Variants in DSCAM observed in about 807,000 individuals in gnomAD.
DSCAM encodes the protein DS cell adhesion molecule.
Under a neutral mutation model 217.7 loss-of-function variants are expected in DSCAM, and 47 were observed. The observed-to-expected ratio is 0.22, with a 90% confidence interval of 0.17 to 0.28. The LOEUF (loss-of-function observed/expected upper bound fraction) is 0.28. Ranked by LOEUF, DSCAM falls within the 10% of genes least tolerant of loss-of-function variation. The pLI is 1.00. For synonymous variants in DSCAM, 1,056 were observed against 1,015.3 expected, an observed-to-expected ratio of 1.04 and a Z score of -0.76; for missense variants, 2,080 against 2,618.3, an observed-to-expected ratio of 0.79 and a Z score of 4.49.
chr21:40,127,595 C>T (rs1490966215), intron 19 of DSCAM, among the ~76,000 whole-genome samples: 2 of 152,212 alleles, frequency 1.3e-5, no homozygotes, highest in Non-Finnish European at 2.9e-5. Flanking sequence ...GCTGCAGATG[C>T]TTCTGTGTCT....
intron 11 of DSCAM, among the ~76,000 whole-genome samples, chr21:40,230,821 G>A (rs1036757370): frequency 1.3e-5 from 2 of 151,978 alleles, no homozygotes; most frequent in African/African-American, 4.8e-5. Context: ...TGAGGGTTGG[G>A]GAGTGTTCCA....
chr21:40,371,151 A>G (rs1458199477), intron 3 of DSCAM, among the ~76,000 whole-genome samples: 1 of 152,218 alleles, frequency 6.6e-6, no homozygotes, highest in Non-Finnish European at 1.5e-5. Context: ...TTTAGTTTAA[A>G]ATATGCCATA....
chr21:40,400,163 A>G (rs2075220707), intron 3 of DSCAM, among the ~76,000 whole-genome samples: 4 of 152,188 alleles, frequency 2.6e-5, no homozygotes, highest in African/African-American at 7.2e-5. Flanking sequence ...ATTGGAGACC[A>G]TAAAGAGGTT....
intron 20 of DSCAM, among the ~76,000 whole-genome samples, chr21:40,108,664 T>C (rs1258916061): frequency 6.6e-6 from 1 of 152,126 alleles, no homozygotes; most frequent in African/African-American, 2.4e-5. Flanking sequence ...AAAATTCAGT[T>C]GGAACCAAAA....
At chr21:40,473,603 C>G (rs2075907991) in intron 3 of DSCAM, among the ~76,000 whole-genome samples, 1 of 152,178 alleles carries the variant, frequency 6.6e-6, no homozygotes, top group African/African-American at 2.4e-5. Context: ...TGTGCATATA[C>G]AACTATTGTC....
At chr21:40,559,446 G>A (rs1192069359) in intron 3 of DSCAM, among the ~76,000 whole-genome samples, 1 of 138,350 alleles carries the variant, frequency 7.2e-6, no homozygotes, top group Non-Finnish European at 1.5e-5. Context: ...CGAAAAGAGC[G>A]AGACCCCGTC....
At chr21:40,805,098 T>C (rs1249155287) in intron 1 of DSCAM, among the ~76,000 whole-genome samples, 2 of 152,186 alleles carry the variant, frequency 1.3e-5, no homozygotes, top group Non-Finnish European at 2.9e-5. Flanking sequence ...CAAATGGCCT[T>C]CTAGAATCCA....
intron 8 of DSCAM, among the ~76,000 whole-genome samples, chr21:40,320,872 G>C (rs1055596848): frequency 6.6e-6 from 1 of 152,162 alleles, no homozygotes; most frequent in African/African-American, 2.4e-5. Context: ...GATTTGGGTG[G>C]AGACACAGCC....
intron 12 of DSCAM, 77 bp downstream of exon 12, chr21:40,188,965 C>T (rs2146830081): frequency 6.9e-7 from 1 of 1,440,890 alleles, no homozygotes; most frequent in Middle Eastern, 1.8e-4. Context: ...TACTTATCTG[C>T]ACCCGCTTCT....
At chr21:40,061,624 C>T (rs1406229117) in intron 28 of DSCAM, among the ~76,000 whole-genome samples, 1 of 151,416 alleles carries the variant, frequency 6.6e-6, no homozygotes, top group African/African-American at 2.4e-5. Flanking sequence ...CATTGTTTTA[C>T]CTACGATTCA....
intron 3 of DSCAM, among the ~76,000 whole-genome samples, chr21:40,429,762 G>C (rs145970508): frequency 6.6e-6 from 1 of 152,206 alleles, no homozygotes; most frequent in South Asian, 2.1e-4. Flanking sequence ...TACTCATTAA[G>C]TGCTGGCTAT....
intron 3 of DSCAM, among the ~76,000 whole-genome samples, chr21:40,499,065 A>G (rs952753859): frequency 5.9e-5 from 9 of 151,884 alleles, no homozygotes; most frequent in African/African-American, 1.9e-4. Flanking sequence ...TTCCTGAAAA[A>G]AATTAACTGG....
At chr21:40,801,582 G>A (rs1262896263) in intron 1 of DSCAM, among the ~76,000 whole-genome samples, 1 of 152,136 alleles carries the variant, frequency 6.6e-6, no homozygotes, top group Non-Finnish European at 1.5e-5. Context: ...GCTAGACCAA[G>A]GGCACCCTCC....
intron 19 of DSCAM, among the ~76,000 whole-genome samples, chr21:40,129,944 C>T (rs927974846): frequency 6.6e-6 from 1 of 152,190 alleles, no homozygotes; most frequent in South Asian, 2.1e-4. Context: ...CTTAGCTCTA[C>T]TTTCAGATCT....
chr21:40,019,729 C>T (rs766949052), intron 32 of DSCAM, among the ~76,000 whole-genome samples: 1 of 152,146 alleles, frequency 6.6e-6, no homozygotes, highest in Non-Finnish European at 1.5e-5. Context: ...TGCAAATGCC[C>T]TCGGCATCCC....
At chr21:40,399,691 G>A (rs1363891690) in intron 3 of DSCAM, among the ~76,000 whole-genome samples, 1 of 152,176 alleles carries the variant, frequency 6.6e-6, no homozygotes, top group Non-Finnish European at 1.5e-5. Flanking sequence ...TGCTGCCACG[G>A]TTTCTGTTAG....
intron 11 of DSCAM, among the ~76,000 whole-genome samples, chr21:40,211,377 CAT>C (rs2091182458): frequency 6.6e-6 from 1 of 152,164 alleles, no homozygotes; most frequent in African/African-American, 2.4e-5. Flanking sequence ...AACATAAATT[CAT>C]ATTTCTTTGG....
intron 3 of DSCAM, among the ~76,000 whole-genome samples, chr21:40,533,048 G>A (rs2146113431): frequency 6.6e-6 from 1 of 152,086 alleles, no homozygotes; most frequent in Admixed American, 6.5e-5. Context: ...TCACTTAATT[G>A]AATTAACTTT....
In DSCAM at chr21:40,708,681, G is replaced by A; in HGVS notation, c.134C>T (p.Pro45Leu). 8 of 1,612,592 alleles carry A rather than the reference G, an allele frequency of 5.0e-6. No homozygotes were observed. Among genetic ancestry groups the A allele is most frequent in the Non-Finnish European group, 6.8e-6 (8 of 1,179,368 alleles). Residue 45 changes from proline to leucine, a missense_variant, in exon 2 of 33, where the codon CCC becomes CTC. Physicochemically the swap from Pro to Leu is moderately conservative, Grantham distance 98. This residue lies in a region of DSCAM where 568 missense variants were observed against 678.1 expected (regional missense o/e 0.84). Transcript: ENST00000400454. ...AGGAGGGATGCCTGCTGCGGGGCAG[G>A]GCACCAGAGTCCCCGTGGTGCTGGC... is the stretch of plus-strand genomic sequence containing the variant. ...VFASTTGTLV[P>L]CPAAGIPPVT...
Sources: allele counts gnomAD v4.1 joint callset (sites outside exome capture counted in the v4.1 genomes callset), GRCh38; gene constraint gnomAD v4.1.1; regional missense constraint gnomAD v4.1.1; transcripts MANE v1.5; gene names NCBI Gene and HGNC (gene_info 2026-07-23, HGNC 2026-07-21).